The following GAS7 variants were observed in gnomAD, a reference collection of about 807,000 sequenced individuals.
GAS7 encodes growth arrest-specific protein 7.
GAS7 carries 28 observed loss-of-function variants against 71.1 expected under a neutral mutation model. That is an observed-to-expected ratio of 0.39 (90% confidence interval 0.29 to 0.54). The LOEUF (loss-of-function observed/expected upper bound fraction) is 0.54, where lower values mean the gene tolerates loss of function less well. Ranked by LOEUF, GAS7 falls within the 20% of genes least tolerant of loss-of-function variation. The pLI is 0.62. For synonymous variants in GAS7, 258 were observed against 245.8 expected, an observed-to-expected ratio of 1.05 and a Z score of -0.46; for missense variants, 436 against 627.8, an observed-to-expected ratio of 0.69 and a Z score of 3.27.
chr17:9,918,169 C>T, intron 12 of GAS7, 70 bp from the exon 13 acceptor site: 1 of 1,058,064 alleles, frequency 9.5e-7, no homozygotes, highest in Non-Finnish European at 1.4e-6. Flanking sequence ...CCACCAAGAC[C>T]ACAAAACGCA....
At chr17:9,962,588 T>C (rs2069543067) in intron 4 of GAS7, among the ~76,000 whole-genome samples, 1 of 152,210 alleles carries the variant, frequency 6.6e-6, no homozygotes, top group Admixed American at 6.5e-5. Flanking sequence ...AGAGAACATT[T>C]ATTTCAGAAG....
chr17:9,942,461 T>C (rs1285757083), intron 7 of GAS7, among the ~76,000 whole-genome samples: 1 of 151,880 alleles, frequency 6.6e-6, no homozygotes, highest in Non-Finnish European at 1.5e-5. Context: ...GAACTTCTCT[T>C]TCTCTTTGTC....
intron 8 of GAS7, among the ~76,000 whole-genome samples, chr17:9,936,238 G>A (rs772005934): frequency 7.2e-5 from 11 of 152,286 alleles, no homozygotes; most frequent in Non-Finnish European, 1.6e-4. Context: ...AAAGGGAAGT[G>A]AGAGGGGTTT....
chr17:10,142,211 G>T, intron 1 of GAS7, among the ~76,000 whole-genome samples: 1 of 69,498 alleles, frequency 1.4e-5, no homozygotes, highest in Non-Finnish European at 2.7e-5. Context: ...GCGAGACTCT[G>T]TCTCAAAAAA....
In GAS7 at chr17:10,034,737, G is replaced by A. The variant is rs1036203290; in HGVS notation, c.184-14840C>T. Reference sequence around the variant, plus strand: ...GGAGGCATCTGACTGTTCCTGAAACGTGGGCTGTGCCCCAAACACCAAGGA... The same window carrying A: ...GGAGGCATCTGACTGTTCCTGAAACATGGGCTGTGCCCCAAACACCAAGGA... On this transcript the variant is annotated intron_variant, in intron 1 of 13. Coordinates refer to ENST00000432992, the MANE Select transcript of GAS7 (RefSeq NM_201433.2). The surrounding 1 kb of genome is among the most constrained non-coding windows in gnomAD (Gnocchi z 4.4). Among the ~76,000 whole-genome samples, 2 of 152,186 alleles carry A rather than the reference G, an allele frequency of 1.3e-5. No homozygotes were observed. The highest frequency in any genetic ancestry group is 2.4e-5 in the African/African-American group (1 of 41,442).
intron 1 of GAS7, among the ~76,000 whole-genome samples, chr17:10,155,494 G>A (rs758290530): frequency 1.1e-4 from 16 of 152,144 alleles, no homozygotes; most frequent in Admixed American, 2.6e-4. Flanking sequence ...TGAATGACTC[G>A]TGAGCTTCAA....
At chr17:10,137,385 C>T (rs953034901) in intron 1 of GAS7, among the ~76,000 whole-genome samples, 1 of 151,934 alleles carries the variant, frequency 6.6e-6, no homozygotes, top group African/African-American at 2.4e-5. Context: ...ACCCCTCTCC[C>T]CCACTTTATT....
intron 11 of GAS7, among the ~76,000 whole-genome samples, chr17:9,923,919 C>A (rs1485221088): frequency 1.3e-5 from 2 of 152,142 alleles, no homozygotes; most frequent in East Asian, 3.8e-4. Context: ...TACAATCATA[C>A]AACTGGACAC....
chr17:10,017,308 G>A (rs2072074751), intron 2 of GAS7, among the ~76,000 whole-genome samples: 1 of 151,094 alleles, frequency 6.6e-6, no homozygotes, highest in Non-Finnish European at 1.5e-5. Flanking sequence ...ACTTGCCAAC[G>A]AAAATCATCT....
At chr17:10,018,324 G>A (rs2152203513) in intron 2 of GAS7, among the ~76,000 whole-genome samples, 1 of 152,224 alleles carries the variant, frequency 6.6e-6, no homozygotes, top group East Asian at 1.9e-4. Flanking sequence ...TTGCAATAGA[G>A]TAGCTTATTT....
chr17:10,099,907 C>G (rs1462893554), intron 1 of GAS7, among the ~76,000 whole-genome samples: 1 of 152,162 alleles, frequency 6.6e-6, no homozygotes, highest in African/African-American at 2.4e-5. Flanking sequence ...ATAACAGGGA[C>G]AGTGGACAGT....
intron 1 of GAS7, among the ~76,000 whole-genome samples, chr17:10,069,241 C>G (rs1034641668): frequency 4.6e-5 from 7 of 152,334 alleles, no homozygotes; most frequent in Admixed American, 3.3e-4. Flanking sequence ...TCTCTCTGCA[C>G]CATGTCCGTG....
intron 1 of GAS7, among the ~76,000 whole-genome samples, chr17:10,137,290 C>A (rs2074046527): frequency 6.6e-6 from 1 of 152,060 alleles, no homozygotes; most frequent in South Asian, 2.1e-4. Flanking sequence ...CCATTAAGTT[C>A]TCTGCTCCAA....
intron 1 of GAS7, among the ~76,000 whole-genome samples, chr17:10,050,147 T>C (rs2152235546): frequency 6.6e-6 from 1 of 152,328 alleles, no homozygotes; most frequent in East Asian, 1.9e-4. Context: ...GAATATCACC[T>C]TACTAAAATT....
intron 2 of GAS7, among the ~76,000 whole-genome samples, chr17:10,011,675 G>C (rs2071777966): frequency 6.6e-6 from 1 of 152,154 alleles, no homozygotes; most frequent in Non-Finnish European, 1.5e-5. Context: ...GGGGGAGAAA[G>C]GGTTAAGATA....
Position 9,969,691 on chromosome 17 carries a change from T to C in GAS7, c.457A>G (p.Thr153Ala). The stretch of plus-strand genomic sequence containing the variant: ...GGACCCCTTACCTGGGAATCACCGG[T>C]GGATTTTCGGACACTCATGTGGGCA... ...ETAHMSVRKS[T>A]GDSQNLGSSS... Residue 153 changes from threonine to alanine, a missense_variant, in exon 4 of 14, where the codon ACC becomes GCC. Physicochemically the swap from Thr to Ala is moderately conservative, Grantham distance 58 (BLOSUM62 0). Coordinates refer to ENST00000432992, the MANE Select transcript of GAS7 (RefSeq NM_201433.2). This position sits in a 1 kb window ranked among gnomAD's most constrained non-coding sequence, Gnocchi z 5.5. 1 of 1,606,858 alleles carries C rather than the reference T, an allele frequency of 6.2e-7. No homozygotes were observed. Among genetic ancestry groups the C allele is most frequent in the Non-Finnish European group, 8.5e-7 (1 of 1,173,444 alleles).
At position 10,057,142 on chromosome 17, in the gene GAS7, T is replaced by G. The variant is rs1597757784; in HGVS notation, c.184-37245A>C. Among the ~76,000 whole-genome samples the G allele has an allele frequency of 2.0e-5, 3 of 152,316 alleles. No individual in the cohort carries two copies. The South Asian group carries it at 6.2e-4, about 32-fold the overall frequency. On this transcript the variant is annotated intron_variant, in intron 1 of 13. Transcript: ENST00000432992. Reference sequence around the variant, plus strand: ...GTGCAGTGGCGTGATCTCGGCTTGCTACAACCTCCACCTCCCAGCCGCCTG... The same window carrying G: ...GTGCAGTGGCGTGATCTCGGCTTGCGACAACCTCCACCTCCCAGCCGCCTG...
intron 3 of GAS7, among the ~76,000 whole-genome samples, chr17:9,977,713 A>G (rs1386523029): frequency 8.0e-6 from 1 of 125,276 alleles, no homozygotes; most frequent in African/African-American, 3.1e-5. Context: ...AGCACCCAAC[A>G]TTCAAAGACT....
intron 1 of GAS7, among the ~76,000 whole-genome samples, chr17:10,120,941 G>C (rs763961114): frequency 2.6e-5 from 4 of 152,216 alleles, no homozygotes; most frequent in Non-Finnish European, 5.9e-5. Flanking sequence ...TGAAAGCAAA[G>C]GCCCACTGGA....
Sources: gnomAD v4.1 joint callset for allele counts (sites outside exome capture counted in the v4.1 genomes callset) on GRCh38, gnomAD v4.1.1 for gene constraint, Gnocchi (gnomAD v3.1) non-coding constraint, MANE v1.5 for transcripts, NCBI Gene and HGNC (gene_info 2026-07-23, HGNC 2026-07-21) for gene names.